ANKRD13C: variants seen among roughly 807,000 people sequenced by gnomAD.
ANKRD13C encodes the protein ankyrin repeat domain 13C.
Under a neutral mutation model 65.5 loss-of-function variants are expected in ANKRD13C, and 16 were observed. The observed-to-expected ratio is 0.24, with a 90% CI of 0.17 to 0.37. ANKRD13C has a LOEUF of 0.37. Ranked by LOEUF, ANKRD13C falls within the 10% of genes least tolerant of loss-of-function variation. The probability of loss-of-function intolerance (pLI) is 1.00; values close to 1 mark genes in which losing one functional copy is unlikely to be tolerated. For missense variants in ANKRD13C, 503 were observed against 655.9 expected, an observed-to-expected ratio of 0.77 and a Z score of 2.55; for synonymous variants, 235 against 238.7, an observed-to-expected ratio of 0.98 and a Z score of 0.14.
intron 2 of ANKRD13C, among the ~76,000 whole-genome samples, chr1:70,329,781 G>A (rs750799101): frequency 1.3e-5 from 2 of 151,422 alleles, no homozygotes; most frequent in Non-Finnish European, 1.5e-5. Flanking sequence ...CTATGACATA[G>A]TCTTATAATT....
intron 9 of ANKRD13C, among the ~76,000 whole-genome samples, chr1:70,282,419 GAA>G (rs1001746198): frequency 5.9e-5 from 9 of 151,882 alleles, no homozygotes; most frequent in Non-Finnish European, 1.3e-4. Context: ...GAAGACAAAA[GAA>G]AAAAAGTTGT....
At chr1:70,284,361 T>G (rs1242980338) in intron 9 of ANKRD13C, among the ~76,000 whole-genome samples, 3 of 152,100 alleles carry the variant, frequency 2.0e-5, no homozygotes, top group African/African-American at 7.2e-5. Flanking sequence ...CATATATATT[T>G]TCTAGATTTT....
intron 9 of ANKRD13C, among the ~76,000 whole-genome samples, chr1:70,290,160 C>G (rs1679799874): frequency 6.6e-6 from 1 of 152,180 alleles, no homozygotes; most frequent in Admixed American, 6.5e-5. Context: ...CAATTTTAAA[C>G]ATTTTACATA....
intron 7 of ANKRD13C, 79 bp from the exon 8 acceptor site, chr1:70,296,340 A>C: frequency 7.3e-7 from 1 of 1,377,144 alleles, no homozygotes; most frequent in Non-Finnish European, 9.9e-7. Flanking sequence ...AATATCAACA[A>C]TTATAATGGT....
chr1:70,283,645 T>C (rs1572050547), intron 9 of ANKRD13C, among the ~76,000 whole-genome samples: 1 of 151,818 alleles, frequency 6.6e-6, no homozygotes, highest in Admixed American at 6.6e-5. Context: ...TGAAACCCCG[T>C]CTCTACTAAA....
intron 3 of ANKRD13C, 86 bp from the exon 4 acceptor site, chr1:70,315,652 A>C: frequency 9.9e-7 from 1 of 1,013,660 alleles, no homozygotes; most frequent in Non-Finnish European, 1.5e-6. Context: ...ATAGATAGAT[A>C]ATACATGTAC....
At chr1:70,276,099 A>G (rs1333190321) in intron 10 of ANKRD13C, among the ~76,000 whole-genome samples, 1 of 152,108 alleles carries the variant, frequency 6.6e-6, no homozygotes, top group Non-Finnish European at 1.5e-5. Context: ...GCAATATTTT[A>G]TATTTTATTC....
chr1:70,347,198 T>C (rs1025687552), intron 1 of ANKRD13C, among the ~76,000 whole-genome samples: 7 of 150,666 alleles, frequency 4.6e-5, no homozygotes, highest in African/African-American at 1.7e-4. Context: ...CTTTTTCCTA[T>C]CCCTATTTTA....
At chr1:70,275,726 C>T (rs1679101933) in intron 10 of ANKRD13C, among the ~76,000 whole-genome samples, 1 of 151,556 alleles carries the variant, frequency 6.6e-6, no homozygotes, top group East Asian at 1.9e-4. Context: ...TTTGGGAGGC[C>T]GAGGCAGGTG....
chr1:70,267,933 T>C lies in ANKRD13C; in HGVS notation c.1495+2923A>G, dbSNP rs949608177. 2.6e-5 allele frequency among the ~76,000 whole-genome samples: 4 copies of C among 152,288 alleles called. 1 individual carries two copies. The highest frequency in any genetic ancestry group is 2.6e-4 in the Admixed American group (4 of 15,296). On this transcript the variant is annotated intron_variant, in intron 12 of 12. Coordinates refer to ENST00000370944, the MANE Select transcript of ANKRD13C (RefSeq NM_030816.5). Reference sequence around the variant, plus strand: ...ATACCTTCCCCCATTTAAAATATAATTGTAAATAGAAAGTAAGAATAGAGA... The same window carrying C: ...ATACCTTCCCCCATTTAAAATATAACTGTAAATAGAAAGTAAGAATAGAGA...
intron 8 of ANKRD13C, chr1:70,293,544 CT>C (rs1446638964): frequency 1.0e-6 from 1 of 985,170 alleles, no homozygotes; most frequent in Non-Finnish European, 1.2e-6. Context: ...GCTTCAAGAG[CT>C]TTGAGCTGCT....
At chr1:70,322,570 A>G (rs1187478120) in intron 3 of ANKRD13C, among the ~76,000 whole-genome samples, 3 of 152,192 alleles carry the variant, frequency 2.0e-5, no homozygotes, top group African/African-American at 7.2e-5. Flanking sequence ...TTTTCCATGA[A>G]AATTTTGTTT....
chr1:70,342,796 G>A (rs1238313412), intron 1 of ANKRD13C, among the ~76,000 whole-genome samples: 1 of 151,700 alleles, frequency 6.6e-6, no homozygotes, highest in Non-Finnish European at 1.5e-5. Context: ...TGCTGCCCAG[G>A]AGGGGAACTA....
chr1:70,301,194 T>TAC (rs1161008442), intron 6 of ANKRD13C, among the ~76,000 whole-genome samples: 20 of 146,676 alleles, frequency 1.4e-4, no homozygotes, highest in South Asian at 4.2e-4. Context: ...TATATATATA[T>TAC]ACACATACAC....
intron 3 of ANKRD13C, among the ~76,000 whole-genome samples, chr1:70,320,279 TAATA>T (rs1168432036): frequency 6.6e-6 from 1 of 152,104 alleles, no homozygotes; most frequent in African/African-American, 2.4e-5. Flanking sequence ...ATGTAGAGAA[TAATA>T]TGACCAGAAG....
chr1:70,293,786 G>A (rs1572070655), intron 8 of ANKRD13C, among the ~76,000 whole-genome samples: 1 of 152,292 alleles, frequency 6.6e-6, no homozygotes, highest in South Asian at 2.1e-4. Flanking sequence ...GAAATAACCA[G>A]GTGGTAATTA....
intron 10 of ANKRD13C, among the ~76,000 whole-genome samples, chr1:70,275,792 C>T (rs1339740387): frequency 6.6e-6 from 1 of 151,706 alleles, no homozygotes; most frequent in East Asian, 1.9e-4. Context: ...GAAACCCTGT[C>T]TCTACTAAAA....
chr1:70,268,416 C>T (rs537900229), intron 12 of ANKRD13C, among the ~76,000 whole-genome samples: 22 of 152,298 alleles, frequency 1.4e-4, no homozygotes, highest in Admixed American at 3.9e-4. Context: ...CCTGCCTTGG[C>T]CTCCCAAAGT....
At chr1:70,338,101 CA>C (rs1041861818) in intron 1 of ANKRD13C, among the ~76,000 whole-genome samples, 12 of 141,426 alleles carry the variant, frequency 8.5e-5, no homozygotes, top group African/African-American at 7.8e-5. Flanking sequence ...CTCCGTCTCA[CA>C]AAAAAAAAAG....
Sources: allele counts gnomAD v4.1 joint callset (sites outside exome capture counted in the v4.1 genomes callset), GRCh38; gene constraint gnomAD v4.1.1; transcripts MANE v1.5; gene names NCBI Gene and HGNC (gene_info 2026-07-23, HGNC 2026-07-21).